The following RIMS2 variants were observed in gnomAD, a reference collection of about 807,000 sequenced individuals.
The protein encoded by RIMS2 is regulating synaptic membrane exocytosis protein 2.
In RIMS2, 59 loss-of-function variants were observed where a neutral mutation model predicts 174.4. That is an observed-to-expected ratio of 0.34 (90% CI 0.27 to 0.42). The LOEUF (loss-of-function observed/expected upper bound fraction) is 0.42, where lower values mean the gene tolerates loss of function less well. Ranked by LOEUF, RIMS2 falls within the 10% of genes least tolerant of loss-of-function variation. RIMS2 has a pLI of 1.00. For synonymous variants in RIMS2, 606 were observed against 572.5 expected, an observed-to-expected ratio of 1.06 and a Z score of -0.84; for missense variants, 1,620 against 1,666.3, an observed-to-expected ratio of 0.97 and a Z score of 0.48.
chr8:104,020,344 A>C (rs1164760920), intron 19 of RIMS2, among the ~76,000 whole-genome samples: 4 of 152,048 alleles, frequency 2.6e-5, no homozygotes, highest in Non-Finnish European at 4.4e-5. Context: ...GGCAAGTCTT[A>C]AAATGAAGTT....
intron 3 of RIMS2, among the ~76,000 whole-genome samples, chr8:103,783,013 C>T (rs1287759371): frequency 6.6e-6 from 1 of 152,050 alleles, no homozygotes; most frequent in African/African-American, 2.4e-5. Flanking sequence ...TACAAGCTAG[C>T]TTAGCTGGGT....
At chr8:103,931,516 A>ATCT in intron 12 of RIMS2, 123 bp downstream of exon 14, 1 of 594,970 alleles carries the variant, frequency 1.7e-6, no homozygotes, top group Non-Finnish European at 2.7e-6. Context: ...AGTTTAACAT[A>ATCT]AACGTGATGT....
chr8:103,845,631 A>AT (rs1041058906), intron 3 of RIMS2, among the ~76,000 whole-genome samples: 29 of 152,124 alleles, frequency 1.9e-4, no homozygotes, highest in African/African-American at 6.7e-4. Flanking sequence ...AAATTAAGTA[A>AT]TTTTTTTATA....
intron 19 of RIMS2, among the ~76,000 whole-genome samples, chr8:104,029,410 G>A (rs889033613): frequency 6.6e-6 from 1 of 152,090 alleles, no homozygotes; most frequent in Non-Finnish European, 1.5e-5. Context: ...TAAAGTTATA[G>A]GCCTAGTTAA....
intron 1 of RIMS2, among the ~76,000 whole-genome samples, chr8:103,613,624 A>G (rs1454985351): frequency 6.6e-6 from 1 of 152,140 alleles, no homozygotes; most frequent in Non-Finnish European, 1.5e-5. Context: ...AAACAGAAGT[A>G]TTTCACTATA....
At chr8:103,546,228 C>G (rs1463322998) in intron 1 of RIMS2, among the ~76,000 whole-genome samples, 1 of 152,078 alleles carries the variant, frequency 6.6e-6, no homozygotes, top group Admixed American at 6.5e-5. Context: ...ACAGGAGTTG[C>G]TATTCTAATT....
intron 19 of RIMS2, among the ~76,000 whole-genome samples, chr8:104,227,090 C>T (rs2099192483): frequency 6.6e-6 from 1 of 152,104 alleles, no homozygotes; most frequent in Non-Finnish European, 1.5e-5. Flanking sequence ...AAACAACTTG[C>T]CCCCAGATCA....
intron 1 of RIMS2, among the ~76,000 whole-genome samples, chr8:103,504,814 CTTTT>C (rs949101975): frequency 7.5e-6 from 1 of 133,778 alleles, no homozygotes; most frequent in Non-Finnish European, 1.6e-5. Context: ...GAAATAAAAT[CTTTT>C]TTTTTCTTTC....
intron 1 of RIMS2, among the ~76,000 whole-genome samples, chr8:103,677,279 G>T (rs2096827387): frequency 6.6e-6 from 1 of 151,938 alleles, no homozygotes; most frequent in East Asian, 1.9e-4. Flanking sequence ...CAAAGGGGAT[G>T]GTACACAAAA....
chr8:103,501,257 G>A (rs1323229195), intron 1 of RIMS2, 195 bp downstream of exon 1: 3 of 338,122 alleles, frequency 8.9e-6, no homozygotes, highest in Non-Finnish European at 1.7e-5. Context: ...TGTCGGGGAG[G>A]GAGGGCGCCA....
intron 19 of RIMS2, among the ~76,000 whole-genome samples, chr8:104,125,646 TA>T (rs924637722): frequency 1.3e-5 from 2 of 152,270 alleles, no homozygotes; most frequent in South Asian, 2.1e-4. Flanking sequence ...ATAATTTTTT[TA>T]AAATTGATAT....
At chr8:104,182,097 G>C (rs2098943506) in intron 19 of RIMS2, among the ~76,000 whole-genome samples, 1 of 151,610 alleles carries the variant, frequency 6.6e-6, no homozygotes, top group South Asian at 2.1e-4. Context: ...ATTTGCCCTA[G>C]GGGATAAATA....
intron 4 of RIMS2, among the ~76,000 whole-genome samples, chr8:103,887,793 T>C (rs1157962740): frequency 6.6e-6 from 1 of 151,526 alleles, no homozygotes; most frequent in Non-Finnish European, 1.5e-5. Context: ...AAAAATGTGA[T>C]ATAAAAATAA....
At chr8:104,127,445 T>A (rs770772075) in intron 19 of RIMS2, among the ~76,000 whole-genome samples, 1 of 151,948 alleles carries the variant, frequency 6.6e-6, no homozygotes, top group Non-Finnish European at 1.5e-5. Flanking sequence ...ATTGGAAGAG[T>A]GAATGAATAG....
At chr8:103,645,210 G>A (rs896437032) in intron 1 of RIMS2, among the ~76,000 whole-genome samples, 1 of 151,952 alleles carries the variant, frequency 6.6e-6, no homozygotes. Flanking sequence ...ATGACATTTG[G>A]TGTTAAAATA....
intron 12 of RIMS2, 93 bp from the exon 15 acceptor site, chr8:103,936,458 C>T: frequency 4.3e-6 from 3 of 704,914 alleles, no homozygotes; most frequent in South Asian, 2.5e-5. Context: ...AAAACTTCAC[C>T]TGACTTGTCT....
At chr8:103,891,237 G>A (rs1224711599) in intron 4 of RIMS2, among the ~76,000 whole-genome samples, 2 of 151,930 alleles carry the variant, frequency 1.3e-5, no homozygotes, top group South Asian at 2.1e-4. Context: ...ATTGTGTTTG[G>A]TAAATTTTTG....
chr8:103,863,158 AG>A (rs1481528427), intron 3 of RIMS2, among the ~76,000 whole-genome samples: 1 of 152,074 alleles, frequency 6.6e-6, no homozygotes, highest in Non-Finnish European at 1.5e-5. Flanking sequence ...TAGTCTGTGG[AG>A]GATTTTTATC....
At chr8:103,890,623 C>A (rs1316395696) in intron 4 of RIMS2, among the ~76,000 whole-genome samples, 1 of 151,924 alleles carries the variant, frequency 6.6e-6, no homozygotes, top group Non-Finnish European at 1.5e-5. Context: ...CTAAATTGAT[C>A]GCTTTCCCAT....
Sources: allele counts gnomAD v4.1 joint callset (sites outside exome capture counted in the v4.1 genomes callset), GRCh38; gene constraint gnomAD v4.1.1; transcripts MANE v1.5; gene names NCBI Gene and HGNC (gene_info 2026-07-23, HGNC 2026-07-21).